The following NOMO1 variants were observed in gnomAD, a reference collection of about 807,000 sequenced individuals.
NOMO1 encodes nodal modulator 3.
In NOMO1, 40 loss-of-function variants were observed where a neutral mutation model predicts 133.8. That is an observed-to-expected ratio of 0.30 (90% confidence interval 0.23 to 0.39). The LOEUF is 0.39. Among genes scored for constraint, NOMO1 ranks in the 10% least tolerant of loss-of-function variants. The pLI is 1.00. For synonymous variants in NOMO1, 236 were observed against 570.5 expected (o/e 0.41, Z 8.36); for missense variants, 462 against 1,419.9 (o/e 0.33, Z 10.84).
intron 11 of NOMO1, among the ~76,000 whole-genome samples, chr16:14,859,470 G>A (rs2151897319): frequency 6.6e-6 from 1 of 151,930 alleles, no homozygotes. Context: ...TCAAACTAGT[G>A]TTCCAGAGAT....
At chr16:14,836,524 A>G (rs1053021873) in intron 1 of NOMO1, among the ~76,000 whole-genome samples, 5 of 151,792 alleles carry the variant, frequency 3.3e-5, no homozygotes, top group Non-Finnish European at 7.4e-5. Context: ...CATCAGACCC[A>G]ACTGCTTCCT....
At chr16:14,856,620 T>C (rs2561960) in intron 9 of NOMO1, among the ~76,000 whole-genome samples, 2 of 151,998 alleles carry the variant, frequency 1.3e-5, no homozygotes, top group Non-Finnish European at 2.9e-5. Flanking sequence ...CCATGTTGGC[T>C]AGGCTGGTCT....
chr16:14,860,290 C>T (rs411782), intron 11 of NOMO1, among the ~76,000 whole-genome samples: 1 of 151,482 alleles, frequency 6.6e-6, no homozygotes, highest in Non-Finnish European at 1.5e-5. Flanking sequence ...ATCGCTTGAA[C>T]CCGGGAGGCA....
At chr16:14,893,264 T>A (rs1343005751) in intron 29 of NOMO1, among the ~76,000 whole-genome samples, 3 of 151,948 alleles carry the variant, frequency 2.0e-5, no homozygotes, top group Non-Finnish European at 4.4e-5. Context: ...GGCACGATCT[T>A]GGCCCACTGC....
At position 14,838,557 on chromosome 16, in the gene NOMO1, A is replaced by G. The variant is rs1238323708; in HGVS notation, c.255+61A>G. The G allele has an allele frequency of 2.5e-6, 4 of 1,611,610 alleles. 1 individual carries two copies. The African/African-American group carries it at 4.0e-5, about 16-fold the overall frequency. On this transcript the variant is annotated intron_variant, in intron 2 of 30. Transcript: ENST00000287667. ...TCACTAGTGTGCCTCACCAGGCTGC[A>G]TTAACCATGCCCTTTCCTACACTAG...
chr16:14,846,878 CA>C (rs1963689967), intron 5 of NOMO1, among the ~76,000 whole-genome samples, 195 bp downstream of exon 5: 1 of 149,292 alleles, frequency 6.7e-6, no homozygotes, highest in Non-Finnish European at 1.5e-5. Flanking sequence ...TCTTGCCTAG[CA>C]TTGATGAGAT....
In NOMO1 at chr16:14,868,664, A is replaced by C. The variant is rs1236164073; in HGVS notation, c.1894+29A>C. Reference sequence around the variant, plus strand: ...AGTTTGGAAGGATTGATGTGCCATGAATTAGAAAAATGGAAAGGCACCAGA... The same window carrying C: ...AGTTTGGAAGGATTGATGTGCCATGCATTAGAAAAATGGAAAGGCACCAGA... On this transcript the variant is annotated intron_variant, in intron 16 of 30. Coordinates refer to ENST00000287667, the MANE Select transcript of NOMO1 (RefSeq NM_014287.4). The C allele has an allele frequency of 6.2e-6, 9 of 1,455,224 alleles. No homozygotes were observed. In the South Asian group the frequency reaches 1.0e-4, roughly 17 times the overall value. 90.1% of individuals were successfully genotyped at this position (1,455,224 alleles called of 1,614,324 possible).
intron 3 of NOMO1, among the ~76,000 whole-genome samples, chr16:14,843,447 G>A (rs1963635012): frequency 6.6e-6 from 1 of 151,910 alleles, no homozygotes; most frequent in Non-Finnish European, 1.5e-5. Flanking sequence ...AACATCCAAA[G>A]TGGATGCACC....
At chr16:14,880,463 C>T (rs1265818949) in intron 24 of NOMO1, among the ~76,000 whole-genome samples, 3 of 151,892 alleles carry the variant, frequency 2.0e-5, no homozygotes, top group Non-Finnish European at 4.4e-5. Flanking sequence ...GCAGCCTTGG[C>T]TCACTGCAAC....
chr16:14,838,346 CAT>C (rs1201177733), intron 1 of NOMO1, 59 bp from the exon 2 acceptor site: 366 of 1,481,672 alleles, frequency 2.5e-4, no homozygotes, highest in Admixed American at 4.6e-4. Context: ...TCAGGTGTAA[CAT>C]GTGTAGTTAA....
At chr16:14,841,038 G>A (rs970783485) in intron 2 of NOMO1, among the ~76,000 whole-genome samples, 7 of 150,678 alleles carry the variant, frequency 4.6e-5, no homozygotes, top group Non-Finnish European at 1.0e-4. Context: ...GGCATGTGAG[G>A]GCTTAATGGG....
At chr16:14,850,725 C>G (rs1392457200) in intron 6 of NOMO1, among the ~76,000 whole-genome samples, 3 of 151,826 alleles carry the variant, frequency 2.0e-5, no homozygotes, top group African/African-American at 4.9e-5. Context: ...CACCTAGATT[C>G]TCTTCTTACT....
At position 14,842,799 on chromosome 16, in the gene NOMO1, G is replaced by A. The variant is rs3853810; in HGVS notation, c.301+1392G>A. Among the ~76,000 whole-genome samples, 152 of 148,934 alleles carry A rather than the reference G, an allele frequency of 1.0e-3. 1 individual carries two copies. Among genetic ancestry groups the A allele is most frequent in the Non-Finnish European group, 1.5e-3 (99 of 67,044 alleles). ...TCATGCAGGGAACTTTTTAATATCC[G>A]GTTTCTTTCACTCAACATTATGAAC... On this transcript the variant is annotated intron_variant, in intron 3 of 30. Coordinates refer to ENST00000287667, the MANE Select transcript of NOMO1 (RefSeq NM_014287.4).
intron 16 of NOMO1, among the ~76,000 whole-genome samples, chr16:14,868,864 A>T (rs577121111): frequency 1.0e-3 from 157 of 150,272 alleles, no homozygotes; most frequent in African/African-American, 3.7e-3. Flanking sequence ...CTCTTTATAG[A>T]GCTGTTTTAA....
chr16:14,874,663 T>C (rs1488210889), intron 18 of NOMO1, among the ~76,000 whole-genome samples: 5 of 152,088 alleles, frequency 3.3e-5, no homozygotes, highest in Admixed American at 6.5e-5. Context: ...TGGTCTGTTT[T>C]GTTGATGCTG....
intron 3 of NOMO1, among the ~76,000 whole-genome samples, chr16:14,843,322 TG>T (rs1780673936): frequency 6.8e-6 from 1 of 146,120 alleles, no homozygotes; most frequent in African/African-American, 2.6e-5. Context: ...AGTGCTCCTG[TG>T]AACATTCTTG....
intron 9 of NOMO1, among the ~76,000 whole-genome samples, chr16:14,854,281 G>A (rs1963802370): frequency 7.9e-6 from 1 of 125,824 alleles, no homozygotes; most frequent in African/African-American, 3.0e-5. Flanking sequence ...TCCAGGACTG[G>A]GGATATAGCA....
Position 14,864,655 on chromosome 16 carries a change from C to G in NOMO1, c.1466C>G (p.Thr489Ser). 1 of 1,612,774 alleles carries G rather than the reference C, an allele frequency of 6.2e-7. No homozygotes were observed. Among genetic ancestry groups the G allele is most frequent in the Non-Finnish European group, 8.5e-7 (1 of 1,179,622 alleles). Residue 489 changes from threonine to serine, a missense_variant, in exon 13 of 31, where the codon ACC (threonine) becomes AGC (serine). Thr to Ser is a moderately conservative substitution (Grantham distance 58, BLOSUM62 1). Transcript: ENST00000287667. ...LKPQTFPLTV[T>S]NRPMMDVAFV... Reference sequence around the variant, plus strand: ...CCCCAGACATTTCCTCTTACTGTGACCAACAGGCCCATGATGGATGTGGCC... The same window carrying G: ...CCCCAGACATTTCCTCTTACTGTGAGCAACAGGCCCATGATGGATGTGGCC...
At chr16:14,858,837 C>G (rs878954776) in intron 11 of NOMO1, among the ~76,000 whole-genome samples, 72 of 151,830 alleles carry the variant, frequency 4.7e-4, no homozygotes, top group East Asian at 2.9e-3. Context: ...GGCACAGGAG[C>G]TCTGAAAGCA....
Sources: allele counts gnomAD v4.1 joint callset (sites outside exome capture counted in the v4.1 genomes callset), GRCh38; gene constraint gnomAD v4.1.1; transcripts MANE v1.5; gene names NCBI Gene and HGNC (gene_info 2026-07-23, HGNC 2026-07-21).